Variants in DLGAP1 observed in about 807,000 individuals in gnomAD.
DLGAP1 encodes the protein disks large-associated protein 1.
In DLGAP1, 11 loss-of-function variants were observed where a neutral mutation model predicts 90.8. The ratio of observed to expected loss-of-function variants is 0.12; its 90% CI spans 0.08 to 0.20. The LOEUF is 0.20. Among genes scored for constraint, DLGAP1 ranks in the 10% least tolerant of loss-of-function variants. DLGAP1 has a pLI of 1.00. For synonymous variants in DLGAP1, 558 were observed against 540.7 expected, an observed-to-expected ratio of 1.03 and a Z score of -0.44; for missense variants, 1,050 against 1,333.8, an observed-to-expected ratio of 0.79 and a Z score of 3.31.
At chr18:4,447,824 A>G (rs1325528590) in intron 1 of DLGAP1, among the ~76,000 whole-genome samples, 1 of 152,144 alleles carries the variant, frequency 6.6e-6, no homozygotes. Flanking sequence ...CAGCCTCTTC[A>G]TGCTTCTCTC....
At chr18:4,083,141 A>C (rs1280868665) in intron 2 of DLGAP1, among the ~76,000 whole-genome samples, 1 of 152,180 alleles carries the variant, frequency 6.6e-6, no homozygotes, top group Admixed American at 6.5e-5. Flanking sequence ...GTAGAGTAGA[A>C]AGTTGTTCAA....
At chr18:3,793,684 G>A (rs2065851858) in intron 5 of DLGAP1, among the ~76,000 whole-genome samples, 2 of 151,990 alleles carry the variant, frequency 1.3e-5, no homozygotes, top group South Asian at 2.1e-4. Context: ...CTCTGCTGTG[G>A]CCACCCCTGC....
intron 2 of DLGAP1, among the ~76,000 whole-genome samples, chr18:4,059,365 T>C (rs774543293): frequency 4.6e-5 from 7 of 152,114 alleles, no homozygotes; most frequent in Non-Finnish European, 1.0e-4. Flanking sequence ...TTGGGAAAAG[T>C]TTGATTTCCC....
intron 1 of DLGAP1, among the ~76,000 whole-genome samples, chr18:4,290,482 G>A (rs1309254353): frequency 6.6e-6 from 1 of 152,188 alleles, no homozygotes; most frequent in Non-Finnish European, 1.5e-5. Flanking sequence ...GAAAGGTAAC[G>A]TGGACTCCAC....
intron 1 of DLGAP1, among the ~76,000 whole-genome samples, chr18:4,178,787 G>T (rs1464013497): frequency 6.6e-6 from 1 of 151,970 alleles, no homozygotes; most frequent in African/African-American, 2.4e-5. Flanking sequence ...ATAATAAATA[G>T]TAAGTATATA....
Position 4,268,497 on chromosome 18 carries a change from G to A in DLGAP1, c.-266-117210C>T, listed in dbSNP as rs190616668. On this transcript the variant is annotated intron_variant, in intron 1 of 12. Coordinates refer to ENST00000315677, the MANE Select transcript of DLGAP1 (RefSeq NM_004746.4). ...TTTATCCCACAACTCTTGCCACACC[G>A]GCTGTAATTTATCTCTCCTCTCTTC... is the stretch of plus-strand genomic sequence containing the variant. 1.8e-4 allele frequency among the ~76,000 whole-genome samples: 28 copies of A among 152,120 alleles called. 1 individual carries two copies. In the East Asian group the frequency reaches 4.8e-3, roughly 26 times the overall value.
intron 7 of DLGAP1, among the ~76,000 whole-genome samples, chr18:3,690,605 G>A (rs780989747): frequency 1.1e-4 from 16 of 152,132 alleles, no homozygotes; most frequent in Non-Finnish European, 2.2e-4. Context: ...GGAAGTACAG[G>A]CTGAAATAAC....
intron 1 of DLGAP1, among the ~76,000 whole-genome samples, chr18:4,207,113 C>T (rs1459245193): frequency 6.6e-6 from 1 of 152,108 alleles, no homozygotes; most frequent in African/African-American, 2.4e-5. Context: ...GTGTATTAGT[C>T]TGTTCTCACG....
intron 1 of DLGAP1, among the ~76,000 whole-genome samples, chr18:4,268,948 T>C (rs1482057727): frequency 6.6e-6 from 1 of 152,070 alleles, no homozygotes; most frequent in African/African-American, 2.4e-5. Context: ...TTATTCAGTA[T>C]TGTGTTATAT....
intron 1 of DLGAP1, among the ~76,000 whole-genome samples, chr18:4,405,833 T>C (rs2082651095): frequency 6.6e-6 from 1 of 152,130 alleles, no homozygotes; most frequent in Non-Finnish European, 1.5e-5. Flanking sequence ...GGGGAAGGTT[T>C]TGACTACCAG....
intron 3 of DLGAP1, among the ~76,000 whole-genome samples, chr18:3,993,476 T>A (rs550879257): frequency 2.8e-4 from 42 of 152,216 alleles, no homozygotes; most frequent in Middle Eastern, 3.4e-3. Context: ...TGAGATTTCC[T>A]TGTCTTTCCT....
At chr18:3,661,251 C>T (rs1264001156) in intron 7 of DLGAP1, among the ~76,000 whole-genome samples, 1 of 152,170 alleles carries the variant, frequency 6.6e-6, no homozygotes, top group Non-Finnish European at 1.5e-5. Context: ...TATGATGTCA[C>T]TTATAGGTGA....
At chr18:3,566,591 G>T (rs1012733095) in intron 9 of DLGAP1, among the ~76,000 whole-genome samples, 3 of 152,030 alleles carry the variant, frequency 2.0e-5, no homozygotes, top group Non-Finnish European at 4.4e-5. Flanking sequence ...ATTATAGGAG[G>T]CATTCCATAG....
chr18:3,716,313 CT>C (rs2061757930), intron 7 of DLGAP1, among the ~76,000 whole-genome samples: 1 of 152,118 alleles, frequency 6.6e-6, no homozygotes, highest in African/African-American at 2.4e-5. Context: ...TTTTGGGAGG[CT>C]AAGGTGGGAG....
chr18:3,742,289 C>T, intron 6 of DLGAP1, 46 bp downstream of exon 6: 2 of 1,595,904 alleles, frequency 1.3e-6, no homozygotes, highest in African/African-American at 1.3e-5. Flanking sequence ...CACTAACCTT[C>T]CTGCCACTAA....
chr18:3,735,633 C>T (rs1002279368), intron 6 of DLGAP1, among the ~76,000 whole-genome samples: 1 of 152,086 alleles, frequency 6.6e-6, no homozygotes, highest in Non-Finnish European at 1.5e-5. Flanking sequence ...ATATGTTAGT[C>T]CAACTCTCTG....
intron 7 of DLGAP1, among the ~76,000 whole-genome samples, chr18:3,647,082 C>CACCAACACGG (rs1567893462): frequency 2.0e-5 from 3 of 151,846 alleles, no homozygotes; most frequent in Non-Finnish European, 4.4e-5. Flanking sequence ...AACCCTGTTT[C>CACCAACACGG]TACTAAATAC....
chr18:4,074,398 T>G (rs1454793989), intron 2 of DLGAP1, among the ~76,000 whole-genome samples: 2 of 151,996 alleles, frequency 1.3e-5, no homozygotes, highest in African/African-American at 4.8e-5. Context: ...AAATGAAAAT[T>G]TTTAGAAGGA....
chr18:3,568,554 G>A (rs1226115368), intron 8 of DLGAP1, among the ~76,000 whole-genome samples: 1 of 152,000 alleles, frequency 6.6e-6, no homozygotes, highest in Non-Finnish European at 1.5e-5. Context: ...ACAATTCAAT[G>A]TAAGTTATAT....
Sources: gnomAD v4.1 joint callset for allele counts (sites outside exome capture counted in the v4.1 genomes callset) on GRCh38, gnomAD v4.1.1 for gene constraint, MANE v1.5 for transcripts, NCBI Gene and HGNC (gene_info 2026-07-23, HGNC 2026-07-21) for gene names.